The following KIF13A variants were observed in gnomAD, a reference collection of about 807,000 sequenced individuals.
The protein encoded by KIF13A is kinesin family member 13A, also known as kinesin-like protein KIF13A.
In KIF13A, 79 loss-of-function variants were observed where a neutral mutation model predicts 212.2. That is an observed-to-expected ratio of 0.37 (90% CI 0.31 to 0.45). KIF13A has a LOEUF of 0.45. Among genes scored for constraint, KIF13A ranks in the 20% least tolerant of loss-of-function variants. The probability of loss-of-function intolerance (pLI) is 1.00; values close to 1 mark genes in which losing one functional copy is unlikely to be tolerated. For missense variants in KIF13A, 1,901 were observed against 2,209.0 expected, an observed-to-expected ratio of 0.86 and a Z score of 2.79; for synonymous variants, 789 against 808.6, an observed-to-expected ratio of 0.98 and a Z score of 0.41.
chr6:17,842,426 T>C (rs1766616675), intron 9 of KIF13A, among the ~76,000 whole-genome samples: 3 of 152,160 alleles, frequency 2.0e-5, no homozygotes, highest in African/African-American at 7.2e-5. Flanking sequence ...GTATTGATCC[T>C]GCTAATACTG....
At position 17,926,911 on chromosome 6, in the gene KIF13A, G is replaced by A. The variant is rs2150529468; in HGVS notation, c.147-28731C>T. Among the ~76,000 whole-genome samples, 1 of 152,204 alleles carries A rather than the reference G, an allele frequency of 6.6e-6. No individual in the cohort carries two copies. The highest frequency in any genetic ancestry group is 1.5e-5 in the Non-Finnish European group (1 of 68,012). Reference sequence around the variant, plus strand: ...TCGGCACTTTGGGAGGTCGAGGCAGGCAGATCACTTCAGATCAGGAGTTCG... The same window carrying A: ...TCGGCACTTTGGGAGGTCGAGGCAGACAGATCACTTCAGATCAGGAGTTCG... On this transcript the variant is annotated intron_variant, in intron 2 of 38. Coordinates refer to ENST00000259711, the MANE Select transcript of KIF13A (RefSeq NM_022113.6). This position sits in a 1 kb window ranked among gnomAD's most constrained non-coding sequence, Gnocchi z 4.3.
At chr6:17,841,379 T>A (rs1395507379) in intron 9 of KIF13A, among the ~76,000 whole-genome samples, 1 of 152,198 alleles carries the variant, frequency 6.6e-6, no homozygotes, top group African/African-American at 2.4e-5. Flanking sequence ...GCCCAAGTTA[T>A]ACCTACCACT....
intron 2 of KIF13A, among the ~76,000 whole-genome samples, chr6:17,903,083 T>A (rs1581684804): frequency 1.3e-5 from 2 of 152,234 alleles, no homozygotes; most frequent in Non-Finnish European, 2.9e-5. Flanking sequence ...AAAATAATCA[T>A]TTCTCTAGAC....
chr6:17,903,675 C>G (rs1007956514), intron 2 of KIF13A, among the ~76,000 whole-genome samples: 4 of 152,104 alleles, frequency 2.6e-5, no homozygotes, highest in Non-Finnish European at 5.9e-5. Context: ...GAGAGAGGAT[C>G]TGGAAAGGGT....
At chr6:17,930,364 C>A (rs1233486827) in intron 2 of KIF13A, among the ~76,000 whole-genome samples, 2 of 152,132 alleles carry the variant, frequency 1.3e-5, no homozygotes, top group African/African-American at 4.8e-5. Context: ...CTAATACAGG[C>A]ACTGAACAAG....
rs1768164193 is a variant in KIF13A, at chr6:17,856,601, T to G, written c.221-479A>C. ...AGTTGCTGAGGATGGATTGACAACT[T>G]CAGCTGCTGTTTGTAGATTCACAGG... On this transcript the variant is annotated intron_variant, in intron 4 of 38. Coordinates refer to ENST00000259711, the MANE Select transcript of KIF13A (RefSeq NM_022113.6). The surrounding 1 kb of genome is among the most constrained non-coding windows in gnomAD (Gnocchi z 4.5). 6.6e-6 allele frequency among the ~76,000 whole-genome samples: 1 copy of G among 152,190 alleles called. No homozygotes were observed. The highest frequency in any genetic ancestry group is 2.4e-5 in the African/African-American group (1 of 41,436).
chr6:17,773,591 G>A lies in KIF13A; in HGVS notation c.4219-8C>T, dbSNP rs184662378. ...CTGGTTCTCTGGCCAACCCTACAAG[G>A]TAAAAATATGGGTTAACTGTAATTG... On this transcript the variant is annotated splice_polypyrimidine_tract_variant and splice_region_variant and intron_variant, in intron 35 of 38. Coordinates refer to ENST00000259711, the MANE Select transcript of KIF13A (RefSeq NM_022113.6). The surrounding 1 kb of genome is among the most constrained non-coding windows in gnomAD (Gnocchi z 4.2). 6.3e-5 allele frequency: 96 copies of A among 1,522,362 alleles called. No individual in the cohort carries two copies. The highest frequency in any genetic ancestry group is 3.1e-4 in the African/African-American group (23 of 73,132). The allele number at this position is 1,522,362 out of a possible 1,614,324, so 94.3% of individuals were successfully genotyped here. A position where few individuals can be genotyped will look rare whatever the true frequency, so the allele number is the denominator to read the frequency against.
chr6:17,960,966 T>A (rs1311326718), intron 2 of KIF13A, among the ~76,000 whole-genome samples: 4 of 152,186 alleles, frequency 2.6e-5, no homozygotes, highest in African/African-American at 9.7e-5. Flanking sequence ...TAGGAGAAAC[T>A]AAGCCTCCTT....
Position 17,984,351 on chromosome 6 carries a change from A to G in KIF13A, c.146+2703T>C, listed in dbSNP as rs1781366313. On this transcript the variant is annotated intron_variant, in intron 2 of 38. Transcript: ENST00000259711. The surrounding 1 kb of genome is among the most constrained non-coding windows in gnomAD (Gnocchi z 5.0). ...TCTGAACTTCATAAATGTCTCCTGG[A>G]GAGCAATGCAATGGTATTTTAAGAA... 6.6e-6 allele frequency among the ~76,000 whole-genome samples: 1 copy of G among 152,204 alleles called. No individual in the cohort carries two copies. Among genetic ancestry groups the G allele is most frequent in the African/African-American group, 2.4e-5 (1 of 41,446 alleles).
At chr6:17,815,864 T>C (rs1184483546) in intron 17 of KIF13A, among the ~76,000 whole-genome samples, 1 of 151,592 alleles carries the variant, frequency 6.6e-6, no homozygotes, top group Non-Finnish European at 1.5e-5. Context: ...AGAGTTCTGA[T>C]ATAAGTATTT....
chr6:17,927,875 G>A (rs906965174), intron 2 of KIF13A, among the ~76,000 whole-genome samples: 11 of 152,254 alleles, frequency 7.2e-5, no homozygotes, highest in Admixed American at 6.5e-5. Flanking sequence ...GCGTGAGCCC[G>A]TGCAGCACCA....
Position 17,826,245 on chromosome 6 carries a change from A to T in KIF13A, c.1533-121T>A. ...TAAATGCATTCCAACTAACGCTTAA[A>T]GAAGGAAGAGCAGAATGTGTAACCA... On this transcript the variant is annotated intron_variant, in intron 14 of 38. Coordinates refer to ENST00000259711, the MANE Select transcript of KIF13A (RefSeq NM_022113.6). This position sits in a 1 kb window ranked among gnomAD's most constrained non-coding sequence, Gnocchi z 4.7. The T allele has an allele frequency of 1.4e-6, 1 of 701,888 alleles. No homozygotes were observed. Among genetic ancestry groups the T allele is most frequent in the Non-Finnish European group, 2.5e-6 (1 of 407,362 alleles). The allele number at this position is 701,888 out of a possible 1,614,324, so 43.5% of individuals were successfully genotyped here.
Position 17,869,358 on chromosome 6 carries a change from C to T in KIF13A, c.220+4019G>A, listed in dbSNP as rs199991359. Among the ~76,000 whole-genome samples, 6 of 152,220 alleles carry T rather than the reference C, an allele frequency of 3.9e-5. No individual in the cohort carries two copies. In the East Asian group the frequency reaches 1.2e-3, roughly 29 times the overall value. The stretch of plus-strand genomic sequence containing the variant: ...CACAATGAGACAATAATAAAGACAA[C>T]GATAAACATTAAGGCAGTGCTTCCT... On this transcript the variant is annotated intron_variant, in intron 4 of 38. Transcript: ENST00000259711.
At chr6:17,925,038 T>C (rs1276178561) in intron 2 of KIF13A, among the ~76,000 whole-genome samples, 1 of 152,134 alleles carries the variant, frequency 6.6e-6, no homozygotes, top group African/African-American at 2.4e-5. Context: ...TCAAATTAAA[T>C]TCCCTTCTTC....
chr6:17,934,207 G>T lies in KIF13A; in HGVS notation c.147-36027C>A, dbSNP rs1458561547. On this transcript the variant is annotated intron_variant, in intron 2 of 38. Coordinates refer to ENST00000259711, the MANE Select transcript of KIF13A (RefSeq NM_022113.6). This position sits in a 1 kb window ranked among gnomAD's most constrained non-coding sequence, Gnocchi z 5.4. The stretch of plus-strand genomic sequence containing the variant: ...ACCTCTTTCCATCTCTCACACTACT[G>T]TCTAATGGCCACAGGACATTGGCCT... Among the ~76,000 whole-genome samples the T allele has an allele frequency of 6.6e-6, 1 of 152,108 alleles. No homozygotes were observed.
intron 9 of KIF13A, among the ~76,000 whole-genome samples, chr6:17,840,723 C>T (rs998435296): frequency 1.8e-4 from 28 of 151,952 alleles, no homozygotes; most frequent in African/African-American, 6.5e-4. Context: ...ATCCAAATAG[C>T]GCTTTGAGAG....
chr6:17,972,898 T>C (rs1779940807), intron 2 of KIF13A, among the ~76,000 whole-genome samples: 1 of 149,288 alleles, frequency 6.7e-6, no homozygotes, highest in African/African-American at 2.5e-5. Flanking sequence ...CAAACAGAGG[T>C]TTCCCTCAAG....
At chr6:17,921,145 G>A (rs1775035298) in intron 2 of KIF13A, among the ~76,000 whole-genome samples, 1 of 152,082 alleles carries the variant, frequency 6.6e-6, no homozygotes, top group Non-Finnish European at 1.5e-5. Context: ...TTCAGAGTAG[G>A]GGGTCCCATA....
intron 12 of KIF13A, among the ~76,000 whole-genome samples, chr6:17,833,014 CAAAA>C (rs61281213): frequency 0.05 from 3,729 of 74,368 alleles, 34 homozygotes; most frequent in Middle Eastern, 0.056. Context: ...ACTCTGTCTG[CAAAA>C]AAAAAAAAAA....
Sources: allele counts gnomAD v4.1 joint callset (sites outside exome capture counted in the v4.1 genomes callset), GRCh38; gene constraint gnomAD v4.1.1; non-coding constraint Gnocchi (gnomAD v3.1); transcripts MANE v1.5; gene names NCBI Gene and HGNC (gene_info 2026-07-23, HGNC 2026-07-21).